P2RY8: variants seen among roughly 807,000 people sequenced by gnomAD.
P2RY8 encodes the protein S-geranylgeranyl-glutathione receptor P2RY8.
In P2RY8, 6 loss-of-function variants were observed where a neutral mutation model predicts 10.0. The ratio of observed to expected loss-of-function variants is 0.60; its 90% CI spans 0.33 to 1.19. The LOEUF (loss-of-function observed/expected upper bound fraction) is 1.19, where lower values mean the gene tolerates loss of function less well. Ranked by LOEUF, P2RY8 falls within the 50% of genes most tolerant of loss-of-function variation. P2RY8 has a pLI of 0.04. For synonymous variants in P2RY8, 276 were observed against 252.5 expected, an observed-to-expected ratio of 1.09 and a Z score of -0.88; for missense variants, 456 against 542.0, an observed-to-expected ratio of 0.84 and a Z score of 1.58.
intron 1 of P2RY8, among the ~76,000 whole-genome samples, chrX:1,497,299 A>T (rs1344112309): frequency 3.4e-5 from 5 of 148,954 alleles, no homozygotes; most frequent in Admixed American, 6.7e-5. Context: ...TTTTTTTTTT[A>T]AATAGCATGT....
chrX:1,463,908 A>G lies in P2RY8; in HGVS notation c.*1571T>C. 1 of 233,312 alleles carries G rather than the reference A, an allele frequency of 4.3e-6. No individual in the cohort carries two copies. Among genetic ancestry groups the G allele is most frequent in the Non-Finnish European group, 8.5e-6 (1 of 118,046 alleles). The allele number at this position is 233,312 out of a possible 1,614,324, so 14.5% of individuals were successfully genotyped here. On this transcript the variant is annotated 3_prime_UTR_variant, in exon 2 of 2. Transcript: ENST00000381297. ...CAGTATGGCCTCGCCTTACTTAATT[A>G]CATTTGGAAAGACCCGATTTTCAAA... is the stretch of plus-strand genomic sequence containing the variant.
At chrX:1,466,861 TCCC>T in intron 1 of P2RY8, among the ~76,000 whole-genome samples, 1 of 56,378 alleles carries the variant, frequency 1.8e-5, no homozygotes, top group South Asian at 6.6e-4. Flanking sequence ...CTTCTCTTCT[TCCC>T]TCCTTCCTTC....
intron 1 of P2RY8, among the ~76,000 whole-genome samples, chrX:1,506,320 C>T (rs2092232995): frequency 6.6e-6 from 1 of 152,028 alleles, no homozygotes; most frequent in African/African-American, 2.4e-5. Flanking sequence ...AACATGCTCC[C>T]CTGTGCCCTT....
At chrX:1,486,571 C>T (rs1225316046) in intron 1 of P2RY8, among the ~76,000 whole-genome samples, 2 of 152,082 alleles carry the variant, frequency 1.3e-5, no homozygotes, top group African/African-American at 2.4e-5. Context: ...GATGGGGAAA[C>T]GGGGAGTGAC....
intron 1 of P2RY8, among the ~76,000 whole-genome samples, chrX:1,509,038 C>CCATT (rs1454970002): frequency 3.7e-4 from 48 of 130,896 alleles, no homozygotes; most frequent in African/African-American, 5.1e-4. Context: ...ATCCATCCAT[C>CCATT]CATTTATTCT....
intron 1 of P2RY8, among the ~76,000 whole-genome samples, chrX:1,477,992 C>T (rs1380360527): frequency 2.6e-5 from 4 of 152,114 alleles, no homozygotes; most frequent in Non-Finnish European, 2.9e-5. Context: ...ATTGCCTTGC[C>T]GTCACGGACC....
chrX:1,493,446 GA>G (rs2092084661), intron 1 of P2RY8, among the ~76,000 whole-genome samples: 2 of 104,496 alleles, frequency 1.9e-5, no homozygotes, highest in African/African-American at 3.5e-5. Context: ...GAAGGAGGAG[GA>G]AGGAGGAAGG....
rs548133240 is a variant in P2RY8, at chrX:1,483,295, G to A, written c.-24-16713C>T. On this transcript the variant is annotated intron_variant, in intron 1 of 1. Transcript: ENST00000381297. Reference sequence around the variant, plus strand: ...GGTCTCAACTACCTTGTTCCTGCCCGAAGTCAAAGCTGGGCTCCCTTAGAT... The same window carrying A: ...GGTCTCAACTACCTTGTTCCTGCCCAAAGTCAAAGCTGGGCTCCCTTAGAT... 3.9e-5 allele frequency among the ~76,000 whole-genome samples: 6 copies of A among 151,998 alleles called. No individual in the cohort carries two copies. In the South Asian group the frequency reaches 8.3e-4, roughly 21 times the overall value.
intron 1 of P2RY8, among the ~76,000 whole-genome samples, chrX:1,490,761 C>T (rs2092038460): frequency 1.4e-5 from 2 of 148,014 alleles, no homozygotes; most frequent in Non-Finnish European, 3.0e-5. Context: ...GAATGATACC[C>T]CAGATTCACT....
chrX:1,516,299 TC>T (rs1467338413), intron 1 of P2RY8, among the ~76,000 whole-genome samples: 5 of 32,678 alleles, frequency 1.5e-4, no homozygotes, highest in African/African-American at 2.9e-4. Context: ...TCTTCACCCC[TC>T]TCCCACAAAT....
At chrX:1,531,068 G>GTCTATCTA (rs1231360384) in intron 1 of P2RY8, among the ~76,000 whole-genome samples, 26,954 of 149,770 alleles carry the variant, frequency 0.18, 2,461 homozygotes, top group Admixed American at 0.19. Flanking sequence ...CTGTCTGTCT[G>GTCTATCTA]TCTATCTATC....
At chrX:1,511,493 T>C (rs1445237871) in intron 1 of P2RY8, among the ~76,000 whole-genome samples, 2 of 152,088 alleles carry the variant, frequency 1.3e-5, no homozygotes, top group Non-Finnish European at 2.9e-5. Flanking sequence ...CAAATCAAGC[T>C]CCCCTCTCCA....
At chrX:1,514,735 C>T (rs1207328856) in intron 1 of P2RY8, among the ~76,000 whole-genome samples, 1 of 12,370 alleles carries the variant, frequency 8.1e-5, no homozygotes, top group Non-Finnish European at 2.8e-4. Context: ...TCCCTTCCTT[C>T]CCTTCCTTCC....
At chrX:1,494,085 T>G in intron 1 of P2RY8, 1 of 152,444 alleles carries the variant, frequency 6.6e-6, no homozygotes, top group South Asian at 2.1e-4. Flanking sequence ...CAGGTCCCCG[T>G]GACTTACAAC....
At chrX:1,493,408 G>GAGGAGGA (rs1389307819) in intron 1 of P2RY8, among the ~76,000 whole-genome samples, 2 of 14,998 alleles carry the variant, frequency 1.3e-4, no homozygotes, top group Non-Finnish European at 2.6e-4. Flanking sequence ...AAGGAGGAAG[G>GAGGAGGA]AGGAGGAAGG....
chrX:1,474,940 A>T (rs1324175894), intron 1 of P2RY8, among the ~76,000 whole-genome samples: 2 of 138,326 alleles, frequency 1.4e-5, no homozygotes, highest in Non-Finnish European at 3.1e-5. Flanking sequence ...ATCAGTGTTT[A>T]GGTGGTTGGA....
Position 1,479,071 on chromosome X carries a change from T to C in P2RY8, c.-24-12489A>G, listed in dbSNP as rs145135786. Among the ~76,000 whole-genome samples the C allele has an allele frequency of 3.6e-3, 541 of 152,302 alleles. 2 individuals carry two copies. The highest frequency in any genetic ancestry group is 0.013 in the African/African-American group (526 of 41,550). On this transcript the variant is annotated intron_variant, in intron 1 of 1. Coordinates refer to ENST00000381297, the MANE Select transcript of P2RY8 (RefSeq NM_178129.5). ...TTTCAACTTTGGTTTAATTTTTAGA[T>C]CTTCCAATTACAGAACACACACACA...
chrX:1,505,717 G>A (rs1436771547), intron 1 of P2RY8, among the ~76,000 whole-genome samples: 1 of 152,148 alleles, frequency 6.6e-6, no homozygotes, highest in African/African-American at 2.4e-5. Flanking sequence ...TTGAACCAGG[G>A]AGGCGGAGGT....
intron 1 of P2RY8, among the ~76,000 whole-genome samples, chrX:1,483,005 A>C (rs2091953114): frequency 6.6e-6 from 1 of 152,114 alleles, no homozygotes; most frequent in Non-Finnish European, 1.5e-5. Context: ...ATGACGAGTT[A>C]ATGGGTGCAG....
Sources: allele counts gnomAD v4.1 joint callset (sites outside exome capture counted in the v4.1 genomes callset), GRCh38; gene constraint gnomAD v4.1.1; transcripts MANE v1.5; gene names NCBI Gene and HGNC (gene_info 2026-07-23, HGNC 2026-07-21).